The following TANC2 variants were observed in gnomAD, a reference collection of about 807,000 sequenced individuals.
The protein encoded by TANC2 is tetratricopeptide repeat, ankyrin repeat and coiled-coil containing 2.
TANC2 carries 26 observed loss-of-function variants against 210.5 expected under a neutral mutation model. The ratio of observed to expected loss-of-function variants is 0.12; its 90% CI spans 0.09 to 0.17. TANC2 has a LOEUF of 0.17. TANC2 is among the 10% of genes least tolerant of loss of function. The pLI is 1.00. For synonymous variants in TANC2, 931 were observed against 967.1 expected, an observed-to-expected ratio of 0.96 and a Z score of 0.69; for missense variants, 2,129 against 2,608.9, an observed-to-expected ratio of 0.82 and a Z score of 4.01.
rs115803263 is a variant in TANC2 at position 63,278,678 on chromosome 17, T to C, written c.1159+10805T>C. ...GGTCTCAGAGATATTTTCACTCCTA[T>C]GTTTATTGCAGCATTATTCACAATT... On this transcript the variant is annotated intron_variant, in intron 9 of 27. Transcript: ENST00000689528. Among the ~76,000 whole-genome samples, 549 of 152,294 alleles carry C rather than the reference T, an allele frequency of 3.6e-3. 6 individuals carry two copies. Among genetic ancestry groups the C allele is most frequent in the African/African-American group, 0.013 (540 of 41,566 alleles).
At chr17:63,255,387 C>T (rs1010783436) in intron 8 of TANC2, among the ~76,000 whole-genome samples, 2 of 152,062 alleles carry the variant, frequency 1.3e-5, no homozygotes, top group Admixed American at 6.6e-5. Flanking sequence ...CCACCGCGCC[C>T]GGCCGGCAGT....
At chr17:63,021,039 C>G (rs2034326478) in intron 2 of TANC2, among the ~76,000 whole-genome samples, 1 of 152,148 alleles carries the variant, frequency 6.6e-6, no homozygotes, top group Admixed American at 6.5e-5. Context: ...GACCCAGATA[C>G]CTCTTGAGGC....
At chr17:63,333,289 G>A (rs936566248) in intron 11 of TANC2, among the ~76,000 whole-genome samples, 4 of 152,104 alleles carry the variant, frequency 2.6e-5, no homozygotes, top group Non-Finnish European at 4.4e-5. Flanking sequence ...ATTCATAGGA[G>A]GTCAATATTA....
At chr17:63,427,510 TAAGGA>T (rs2049172650) in exon 28 of TANC2, 1 of 152,252 alleles carries the variant, frequency 6.6e-6, no homozygotes, top group Non-Finnish European at 1.5e-5. Flanking sequence ...CCCCTGTGTA[TAAGGA>T]AAGACATTTT....
At chr17:63,196,448 C>G (rs118142324) in intron 6 of TANC2, among the ~76,000 whole-genome samples, 243 of 152,310 alleles carry the variant, frequency 1.6e-3, no homozygotes, top group Non-Finnish European at 2.7e-3. Flanking sequence ...TCTGTCATTT[C>G]TACACAGCTA....
chr17:63,069,176 AATT>A (rs2036309546), intron 2 of TANC2, among the ~76,000 whole-genome samples: 1 of 152,184 alleles, frequency 6.6e-6, no homozygotes. Context: ...ACAATAAGAT[AATT>A]AACTTATTTG....
chr17:63,284,056 A>T (rs2083824), intron 9 of TANC2, among the ~76,000 whole-genome samples: 46,387 of 151,822 alleles, frequency 0.31, 7,324 homozygotes, highest in African/African-American at 0.38. Flanking sequence ...GGTGGAAAGC[A>T]TTCAGTCTTT....
chr17:63,019,028 A>G (rs1323124116), intron 2 of TANC2, among the ~76,000 whole-genome samples: 1 of 152,168 alleles, frequency 6.6e-6, no homozygotes, highest in African/African-American at 2.4e-5. Flanking sequence ...GTTTTGTATA[A>G]ACATAATTTT....
intron 7 of TANC2, among the ~76,000 whole-genome samples, chr17:63,224,283 C>T (rs2042272549): frequency 1.3e-5 from 2 of 149,156 alleles, no homozygotes; most frequent in African/African-American, 5.0e-5. Context: ...ACGGGGTCTC[C>T]CTGTGTCGCC....
intron 8 of TANC2, among the ~76,000 whole-genome samples, chr17:63,252,894 C>T (rs1567855214): frequency 6.6e-6 from 1 of 152,116 alleles, no homozygotes; most frequent in Non-Finnish European, 1.5e-5. Flanking sequence ...TTGATGGACA[C>T]TTAGGTTTCT....
At chr17:63,266,850 T>C (rs143972991) in intron 8 of TANC2, among the ~76,000 whole-genome samples, 1 of 152,012 alleles carries the variant, frequency 6.6e-6, no homozygotes, top group East Asian at 1.9e-4. Context: ...TTTTTTGTGG[T>C]GTTATTGTTG....
intron 7 of TANC2, among the ~76,000 whole-genome samples, chr17:63,202,935 A>G (rs887098701): frequency 3.3e-5 from 5 of 152,172 alleles, no homozygotes; most frequent in East Asian, 1.9e-4. Context: ...TTTAAAATCT[A>G]TATGAACACC....
At chr17:63,031,666 C>T (rs1344750514) in intron 2 of TANC2, among the ~76,000 whole-genome samples, 4 of 152,096 alleles carry the variant, frequency 2.6e-5, no homozygotes, top group Admixed American at 2.0e-4. Context: ...TGTTATTTTT[C>T]CATCCCTGAT....
At chr17:63,031,991 T>C (rs2034789143) in intron 2 of TANC2, among the ~76,000 whole-genome samples, 1 of 152,108 alleles carries the variant, frequency 6.6e-6, no homozygotes, top group Admixed American at 6.6e-5. Flanking sequence ...GTACAGCAAG[T>C]GTAAAGACGA....
chr17:63,019,038 T>C (rs897873132), intron 2 of TANC2, among the ~76,000 whole-genome samples: 4 of 152,194 alleles, frequency 2.6e-5, no homozygotes, highest in Non-Finnish European at 5.9e-5. Flanking sequence ...AACATAATTT[T>C]TTATTTCTCT....
chr17:63,347,446 A>C (rs1279722249), intron 12 of TANC2, among the ~76,000 whole-genome samples: 1 of 152,214 alleles, frequency 6.6e-6, no homozygotes, highest in Admixed American at 6.5e-5. Flanking sequence ...AACTTATCAA[A>C]GTGTATAGTT....
chr17:63,242,410 AAT>A (rs1447121667), intron 8 of TANC2, among the ~76,000 whole-genome samples: 1 of 151,896 alleles, frequency 6.6e-6, no homozygotes, highest in Non-Finnish European at 1.5e-5. Flanking sequence ...AAAACATTAT[AAT>A]ATCTGTATGT....
At chr17:63,329,062 A>G (rs1292768729) in intron 11 of TANC2, among the ~76,000 whole-genome samples, 1 of 152,196 alleles carries the variant, frequency 6.6e-6, no homozygotes, top group Non-Finnish European at 1.5e-5. Context: ...GAGCATACTG[A>G]ATGCAGAGGC....
At chr17:63,130,479 T>C (rs1248587248) in intron 4 of TANC2, among the ~76,000 whole-genome samples, 1 of 150,612 alleles carries the variant, frequency 6.6e-6, no homozygotes, top group Non-Finnish European at 1.5e-5. Flanking sequence ...ACCACTGCAC[T>C]CCAGCCTCGG....
Sources: allele counts gnomAD v4.1 joint callset (sites outside exome capture counted in the v4.1 genomes callset), GRCh38; gene constraint gnomAD v4.1.1; transcripts MANE v1.5; gene names NCBI Gene and HGNC (gene_info 2026-07-23, HGNC 2026-07-21).